The following MXD1 variants were observed in gnomAD, a reference collection of about 807,000 sequenced individuals.
MXD1 encodes MAX-binding protein.
A neutral mutation model predicts 25.7 loss-of-function variants in MXD1; 9 were observed. The ratio of observed to expected loss-of-function variants is 0.35; its 90% confidence interval spans 0.21 to 0.61. The LOEUF is 0.61. Among genes scored for constraint, MXD1 ranks in the 20% least tolerant of loss-of-function variants. MXD1 has a pLI of 0.75. For missense variants in MXD1, 227 were observed against 292.4 expected (o/e 0.78, Z 1.63); for synonymous variants, 99 against 113.9 (o/e 0.87, Z 0.83).
chr2:69,941,562 T>C lies in MXD1; in HGVS notation c.*3278T>C, dbSNP rs1677600881. On this transcript the variant is annotated 3_prime_UTR_variant, in exon 6 of 6. Coordinates refer to ENST00000264444, the MANE Select transcript of MXD1 (RefSeq NM_002357.4). ...AGGCCCTCGTCCTGCAGTTGGCCAC[T>C]TGAGTGTTTTGTTTTGTTTTTATTT... The C allele has an allele frequency of 6.6e-6, 1 of 152,222 alleles. No individual in the cohort carries two copies. The highest frequency in any genetic ancestry group is 1.9e-4 in the East Asian group (1 of 5,206). The allele number at this position is 152,222 out of a possible 1,614,324, so 9.4% of individuals were successfully genotyped here.
At position 69,915,814 on chromosome 2, in the gene MXD1, C is replaced by G. The variant is rs1676951780; in HGVS notation, c.74-307C>G. ...TGCTTGCCCCGCACCTTCGCCTGAG[C>G]TGGTTCCACTTAACCCGCACCAACC... is the stretch of plus-strand genomic sequence containing the variant. On this transcript the variant is annotated intron_variant, in intron 1 of 5. Coordinates refer to ENST00000264444, the MANE Select transcript of MXD1 (RefSeq NM_002357.4). The surrounding 1 kb of genome is among the most constrained non-coding windows in gnomAD (Gnocchi z 5.8). 6.6e-6 allele frequency among the ~76,000 whole-genome samples: 1 copy of G among 152,258 alleles called. No individual in the cohort carries two copies. The highest frequency in any genetic ancestry group is 1.5e-5 in the Non-Finnish European group (1 of 68,046).
intron 2 of MXD1, 56 bp from the exon 3 acceptor site, chr2:69,921,679 GA>G (rs2104167555): frequency 6.7e-7 from 1 of 1,498,614 alleles, no homozygotes; most frequent in Admixed American, 1.9e-5. Flanking sequence ...TGTTGGTGTT[GA>G]AGTAGTTCTT....
chr2:69,926,083 G>T (rs1305870966), intron 3 of MXD1, among the ~76,000 whole-genome samples: 3 of 152,046 alleles, frequency 2.0e-5, no homozygotes, highest in African/African-American at 7.2e-5. Flanking sequence ...TTCTACTAAA[G>T]AATTTATCTT....
intron 2 of MXD1, among the ~76,000 whole-genome samples, chr2:69,917,837 A>T (rs1051673850): frequency 8.1e-6 from 1 of 122,986 alleles, no homozygotes; most frequent in Non-Finnish European, 1.6e-5. Flanking sequence ...CAAAAAAAAA[A>T]AAATAAAGGC....
At chr2:69,918,959 A>G (rs931531638) in intron 2 of MXD1, among the ~76,000 whole-genome samples, 2 of 152,204 alleles carry the variant, frequency 1.3e-5, no homozygotes, top group Non-Finnish European at 2.9e-5. Context: ...TCAGTAAACT[A>G]GATGCACTTC....
chr2:69,932,394 G>A (rs566372696), intron 3 of MXD1, among the ~76,000 whole-genome samples: 12 of 152,274 alleles, frequency 7.9e-5, no homozygotes, highest in Admixed American at 1.3e-4. Flanking sequence ...TGGTTGGCCC[G>A]GGCACCAGTG....
At chr2:69,916,881 C>T (rs573185012) in intron 2 of MXD1, among the ~76,000 whole-genome samples, 3 of 152,212 alleles carry the variant, frequency 2.0e-5, no homozygotes, top group Non-Finnish European at 4.4e-5. Context: ...GTGAATCTCA[C>T]TGGAGATTTG....
chr2:69,925,439 A>G (rs552111190), intron 3 of MXD1, among the ~76,000 whole-genome samples: 13 of 152,330 alleles, frequency 8.5e-5, no homozygotes, highest in African/African-American at 3.1e-4. Flanking sequence ...AGTTTTGTGT[A>G]GAAAGTTAGA....
intron 3 of MXD1, among the ~76,000 whole-genome samples, chr2:69,930,386 C>T (rs1383529328): frequency 1.3e-5 from 2 of 152,178 alleles, no homozygotes; most frequent in Admixed American, 1.3e-4. Flanking sequence ...CTCTTCAGGA[C>T]ACTTGCTCCT....
rs1677597294 is a variant in MXD1 at position 69,941,397 on chromosome 2, G to C, written c.*3113G>C. 1 of 152,190 alleles carries C rather than the reference G, an allele frequency of 6.6e-6. No homozygotes were observed. Among genetic ancestry groups the C allele is most frequent in the Non-Finnish European group, 1.5e-5 (1 of 68,030 alleles). The allele number at this position is 152,190 out of a possible 1,614,324, so 9.4% of individuals were successfully genotyped here. A position where few individuals can be genotyped will look rare whatever the true frequency, so the allele number is the denominator to read the frequency against. On this transcript the variant is annotated 3_prime_UTR_variant, in exon 6 of 6. Transcript: ENST00000264444. Reference sequence around the variant, plus strand: ...ATTCTTCAAGGTGCTGATAGCAACTGCTGGCTCCTTTCTGTAGTCACACAC... The same window carrying C: ...ATTCTTCAAGGTGCTGATAGCAACTCCTGGCTCCTTTCTGTAGTCACACAC...
At chr2:69,937,205 G>A (rs765774364) in intron 4 of MXD1, 30 bp from the exon 5 acceptor site, 2 of 1,610,880 alleles carry the variant, frequency 1.2e-6, no homozygotes, top group East Asian at 4.5e-5. Flanking sequence ...TCTCCCTGTG[G>A]GGCCCAACAA....
At chr2:69,921,366 A>AC (rs1179596937) in intron 2 of MXD1, among the ~76,000 whole-genome samples, 1 of 152,056 alleles carries the variant, frequency 6.6e-6, no homozygotes, top group Non-Finnish European at 1.5e-5. Context: ...TAGGGGTGCT[A>AC]CCTCCCCTGT....
intron 3 of MXD1, among the ~76,000 whole-genome samples, chr2:69,924,297 A>C (rs1324703913): frequency 6.6e-6 from 1 of 152,208 alleles, no homozygotes; most frequent in Non-Finnish European, 1.5e-5. Flanking sequence ...CCTGTAATTG[A>C]GCTTGCTTGT....
At chr2:69,918,010 G>A (rs1676992600) in intron 2 of MXD1, among the ~76,000 whole-genome samples, 1 of 152,176 alleles carries the variant, frequency 6.6e-6, no homozygotes, top group Admixed American at 6.5e-5. Flanking sequence ...CCAGCCAAAC[G>A]TGTGAGGCAA....
intron 3 of MXD1, among the ~76,000 whole-genome samples, chr2:69,924,871 C>T (rs1005365391): frequency 5.3e-5 from 8 of 152,220 alleles, no homozygotes; most frequent in Non-Finnish European, 1.0e-4. Context: ...GAATGGAAAC[C>T]TTTTCTATGG....
At chr2:69,937,151 C>T in intron 4 of MXD1, 84 bp from the exon 5 acceptor site, 5 of 1,555,476 alleles carry the variant, frequency 3.2e-6, no homozygotes, top group Non-Finnish European at 4.4e-6. Context: ...TGGCGCATTC[C>T]ACTGCTAGAA....
Position 69,938,447 on chromosome 2 carries a change from G to A in MXD1, c.*163G>A. On this transcript the variant is annotated 3_prime_UTR_variant, in exon 6 of 6. Coordinates refer to ENST00000264444, the MANE Select transcript of MXD1 (RefSeq NM_002357.4). ...TTCAAGGAGGTGCTTAGGATTGTGG[G>A]TTTCTGATTGCATCCACTAGCTTCT... The A allele has an allele frequency of 3.1e-6, 2 of 652,384 alleles. No individual in the cohort carries two copies. Among genetic ancestry groups the A allele is most frequent in the Non-Finnish European group, 5.2e-6 (2 of 386,772 alleles). 40.4% of individuals were successfully genotyped at this position (652,384 alleles called of 1,614,324 possible).
At chr2:69,921,943 C>T (rs1573401309) in intron 3 of MXD1, among the ~76,000 whole-genome samples, 178 bp downstream of exon 3, 1 of 152,094 alleles carries the variant, frequency 6.6e-6, no homozygotes, top group Admixed American at 6.5e-5. Context: ...TAGAGCTTGC[C>T]AGTTAAAAGA....
At chr2:69,926,099 T>G (rs1677164652) in intron 3 of MXD1, among the ~76,000 whole-genome samples, 1 of 152,206 alleles carries the variant, frequency 6.6e-6, no homozygotes, top group Non-Finnish European at 1.5e-5. Context: ...ATCTTTTTCT[T>G]TATTTTAAAA....
Sources: allele counts gnomAD v4.1 joint callset (sites outside exome capture counted in the v4.1 genomes callset), GRCh38; gene constraint gnomAD v4.1.1; non-coding constraint Gnocchi (gnomAD v3.1); transcripts MANE v1.5; gene names NCBI Gene and HGNC (gene_info 2026-07-23, HGNC 2026-07-21).